GRIK2: variants seen among roughly 807,000 people sequenced by gnomAD.
GRIK2 encodes the protein glutamate ionotropic receptor kainate type subunit 2.
GRIK2 carries 32 observed loss-of-function variants against 100.3 expected under a neutral mutation model. The ratio of observed to expected loss-of-function variants is 0.32; its 90% confidence interval spans 0.24 to 0.43. GRIK2 has a LOEUF of 0.43. Ranked by LOEUF, GRIK2 falls within the 20% of genes least tolerant of loss-of-function variation. The pLI is 1.00. For synonymous variants in GRIK2, 417 were observed against 389.4 expected, an observed-to-expected ratio of 1.07 and a Z score of -0.83; for missense variants, 843 against 1,114.9, an observed-to-expected ratio of 0.76 and a Z score of 3.47.
At chr6:101,888,497 C>T (rs1381743160) in intron 11 of GRIK2, among the ~76,000 whole-genome samples, 1 of 152,002 alleles carries the variant, frequency 6.6e-6, no homozygotes, top group Non-Finnish European at 1.5e-5. Flanking sequence ...ATGCTCTCCC[C>T]CAGAATTTTT....
chr6:101,450,276 G>A (rs1339145434), intron 2 of GRIK2, among the ~76,000 whole-genome samples: 4 of 151,632 alleles, frequency 2.6e-5, no homozygotes, highest in Non-Finnish European at 5.9e-5. Context: ...AATAGACAGT[G>A]ACTATAAACA....
intron 7 of GRIK2, among the ~76,000 whole-genome samples, chr6:101,724,985 A>C (rs1774758784): frequency 6.6e-6 from 1 of 151,980 alleles, no homozygotes; most frequent in African/African-American, 2.4e-5. Context: ...TGCTCTCTGT[A>C]AGTTAGTGTG....
intron 3 of GRIK2, 115 bp downstream of exon 3, chr6:101,622,231 G>A (rs1780199003): frequency 5.2e-6 from 3 of 580,742 alleles, no homozygotes; most frequent in Non-Finnish European, 8.9e-6. Flanking sequence ...ATATTTGCAT[G>A]CAAAGATTTA....
intron 14 of GRIK2, among the ~76,000 whole-genome samples, chr6:101,957,889 G>A (rs1307009561): frequency 6.6e-6 from 1 of 151,970 alleles, no homozygotes; most frequent in African/African-American, 2.4e-5. Context: ...TGATCTATGT[G>A]TCTCTATTTA....
At chr6:101,407,912 G>A (rs1235582163) in intron 2 of GRIK2, among the ~76,000 whole-genome samples, 2 of 152,128 alleles carry the variant, frequency 1.3e-5, no homozygotes, top group Non-Finnish European at 1.5e-5. Flanking sequence ...ATTCTGGCTG[G>A]TGCCTGAAAA....
chr6:101,850,336 T>C (rs1223912658), intron 10 of GRIK2, among the ~76,000 whole-genome samples: 3 of 152,052 alleles, frequency 2.0e-5, no homozygotes, highest in East Asian at 3.9e-4. Flanking sequence ...AGAGTAAGAG[T>C]TCAGTGTATG....
chr6:101,444,840 A>T (rs2518249), intron 2 of GRIK2, among the ~76,000 whole-genome samples: 1 of 152,060 alleles, frequency 6.6e-6, no homozygotes, highest in East Asian at 1.9e-4. Context: ...ATCAGCATAT[A>T]CCTCTGTTTT....
chr6:102,049,941 T>C (rs1771084005), intron 15 of GRIK2, among the ~76,000 whole-genome samples: 1 of 152,160 alleles, frequency 6.6e-6, no homozygotes, highest in South Asian at 2.1e-4. Context: ...GATTTCAGTA[T>C]ATTCATTATT....
chr6:101,634,174 C>A (rs1338482913), intron 4 of GRIK2, among the ~76,000 whole-genome samples: 1 of 151,972 alleles, frequency 6.6e-6, no homozygotes, highest in Non-Finnish European at 1.5e-5. Flanking sequence ...AAAGAGATGA[C>A]AGTTTCAATT....
At chr6:101,920,819 A>G (rs568705406) in intron 12 of GRIK2, among the ~76,000 whole-genome samples, 6 of 151,920 alleles carry the variant, frequency 3.9e-5, no homozygotes, top group Non-Finnish European at 7.4e-5. Context: ...GAAAGTGTGA[A>G]GAATCTTGAA....
At chr6:101,893,280 G>A (rs536566562) in intron 12 of GRIK2, among the ~76,000 whole-genome samples, 25 of 151,506 alleles carry the variant, frequency 1.7e-4, no homozygotes, top group African/African-American at 5.8e-4. Flanking sequence ...ATAAAAGAAA[G>A]ATCATGTTTC....
At chr6:101,400,419 A>C (rs78804959) in intron 2 of GRIK2, among the ~76,000 whole-genome samples, 2 of 152,150 alleles carry the variant, frequency 1.3e-5, no homozygotes, top group Non-Finnish European at 2.9e-5. Context: ...CTAGTCAGGG[A>C]AAGTTCCCTA....
intron 4 of GRIK2, among the ~76,000 whole-genome samples, chr6:101,650,794 A>C: frequency 6.6e-6 from 1 of 152,006 alleles, no homozygotes; most frequent in Admixed American, 6.6e-5. Context: ...GACTTGAAAA[A>C]TATCTGATTT....
chr6:101,978,740 A>T (rs1034457211), intron 14 of GRIK2, among the ~76,000 whole-genome samples: 1 of 152,046 alleles, frequency 6.6e-6, no homozygotes, highest in African/African-American at 2.4e-5. Context: ...GCTCACTTTT[A>T]TAAAAGCTAT....
At chr6:101,931,246 A>G (rs2128472566) in intron 14 of GRIK2, among the ~76,000 whole-genome samples, 1 of 152,304 alleles carries the variant, frequency 6.6e-6, no homozygotes, top group East Asian at 1.9e-4. Context: ...TTGAAACTGT[A>G]CAGTGAACCA....
At chr6:101,720,073 G>C (rs1438132219) in intron 7 of GRIK2, among the ~76,000 whole-genome samples, 1 of 151,464 alleles carries the variant, frequency 6.6e-6, no homozygotes, top group African/African-American at 2.4e-5. Context: ...AATGTTCATT[G>C]TAGTTCAGGA....
chr6:101,988,629 G>A (rs2128491582), intron 14 of GRIK2, among the ~76,000 whole-genome samples: 1 of 151,868 alleles, frequency 6.6e-6, no homozygotes, highest in South Asian at 2.1e-4. Flanking sequence ...ATTCTTGTAA[G>A]TACCTAGAAT....
intron 6 of GRIK2, among the ~76,000 whole-genome samples, chr6:101,685,631 C>A (rs748357944): frequency 1.3e-5 from 2 of 152,062 alleles, no homozygotes; most frequent in Non-Finnish European, 2.9e-5. Context: ...AGGTGTGAGA[C>A]ATGAGATGAA....
chr6:101,622,256 AT>A, intron 3 of GRIK2, 140 bp downstream of exon 3: 1 of 549,520 alleles, frequency 1.8e-6, no homozygotes, highest in Non-Finnish European at 3.2e-6. Flanking sequence ...CAAAATGCAT[AT>A]AAATTTTATC....
Sources: allele counts gnomAD v4.1 joint callset (sites outside exome capture counted in the v4.1 genomes callset), GRCh38; gene constraint gnomAD v4.1.1; transcripts MANE v1.5; gene names NCBI Gene and HGNC (gene_info 2026-07-23, HGNC 2026-07-21).